The following FGF18 variants were observed in gnomAD, a reference collection of about 807,000 sequenced individuals.
FGF18 encodes fibroblast growth factor 18.
In FGF18, 5 loss-of-function variants were observed where a neutral mutation model predicts 23.0. The ratio of observed to expected loss-of-function variants is 0.22; its 90% CI spans 0.11 to 0.46. FGF18 has a LOEUF of 0.46. Among genes scored for constraint, FGF18 ranks in the 20% least tolerant of loss-of-function variants. FGF18 has a pLI of 0.99. For synonymous variants in FGF18, 117 were observed against 118.9 expected, an observed-to-expected ratio of 0.98 and a Z score of 0.10; for missense variants, 180 against 291.6, an observed-to-expected ratio of 0.62 and a Z score of 2.79.
chr5:171,421,342 G>A (rs1450544025), intron 2 of FGF18, among the ~76,000 whole-genome samples: 2 of 152,186 alleles, frequency 1.3e-5, no homozygotes, highest in Admixed American at 6.5e-5. Context: ...GTCGGGGGGC[G>A]GCGGGCAAAG....
chr5:171,424,801 G>A (rs537214419), intron 2 of FGF18, among the ~76,000 whole-genome samples: 54 of 148,612 alleles, frequency 3.6e-4, no homozygotes, highest in African/African-American at 1.3e-3. Context: ...TGGGGGCTGG[G>A]GCCCAGAGGA....
chr5:171,433,522 G>A (rs768126201), intron 2 of FGF18, among the ~76,000 whole-genome samples: 115 of 152,298 alleles, frequency 7.6e-4, no homozygotes, highest in Non-Finnish European at 1.3e-3. Flanking sequence ...TGCCCACCAG[G>A]TGTGGGCCTC....
intron 2 of FGF18, among the ~76,000 whole-genome samples, chr5:171,424,515 CTGG>C (rs1483277617): frequency 6.6e-6 from 1 of 152,248 alleles, no homozygotes; most frequent in Non-Finnish European, 1.5e-5. Flanking sequence ...ACCCAAGATG[CTGG>C]ATTCAAGATC....
In FGF18 at chr5:171,436,832, C is replaced by G. The variant is rs574517883; in HGVS notation, c.250+559C>G. 9.2e-5 allele frequency among the ~76,000 whole-genome samples: 14 copies of G among 152,286 alleles called. No individual in the cohort carries two copies. Among genetic ancestry groups the G allele is most frequent in the Non-Finnish European group, 1.9e-4 (13 of 68,024 alleles). On this transcript the variant is annotated intron_variant, in intron 3 of 4. Transcript: ENST00000274625. This position sits in a 1 kb window ranked among gnomAD's most constrained non-coding sequence, Gnocchi z 4.4. ...AACCCTCCTGGAGTACTTGGGAACT[C>G]ACCCCGCTCCCCTGCCTATGCTGCC...
Position 171,420,002 on chromosome 5 carries a change from C to T in FGF18, c.-198C>T. 4.5e-6 allele frequency: 1 copy of T among 222,460 alleles called. No individual in the cohort carries two copies. The highest frequency in any genetic ancestry group is 8.4e-6 in the Non-Finnish European group (1 of 119,072). The allele number at this position is 222,460 out of a possible 1,614,324, so 13.8% of individuals were successfully genotyped here. ...GGAGGGCGCAGCGCTCGGGAGGAGC[C>T]GCGCGGGGCGCTGATGCCGCAGGGC... is the stretch of plus-strand genomic sequence containing the variant. On this transcript the variant is annotated 5_prime_UTR_variant, in exon 1 of 5. Transcript: ENST00000274625.
chr5:171,456,366 C>T lies in FGF18; in HGVS notation c.358-173C>T, dbSNP rs1772580177. Among the ~76,000 whole-genome samples the T allele has an allele frequency of 6.6e-6, 1 of 152,192 alleles. No homozygotes were observed. The highest frequency in any genetic ancestry group is 1.5e-5 in the Non-Finnish European group (1 of 68,040). ...TCTGCTCCTTGGCTATAAACCCCCA[C>T]CTGCCTGTGCCATATTCAGAGTTAA... On this transcript the variant is annotated intron_variant, in intron 4 of 4. Transcript: ENST00000274625. This position sits in a 1 kb window ranked among gnomAD's most constrained non-coding sequence, Gnocchi z 6.1.
chr5:171,444,926 G>T (rs1289371528), intron 3 of FGF18, among the ~76,000 whole-genome samples: 3 of 152,196 alleles, frequency 2.0e-5, no homozygotes, highest in Non-Finnish European at 4.4e-5. Flanking sequence ...TCTTGTCCTC[G>T]TGGAGCTTAC....
In FGF18 at chr5:171,456,756, C is replaced by G. The variant is rs1310584496; in HGVS notation, c.575C>G (p.Thr192Arg). 10 of 1,613,926 alleles carry G rather than the reference C, an allele frequency of 6.2e-6. No homozygotes were observed. The highest frequency in any genetic ancestry group is 7.6e-6 in the Non-Finnish European group (9 of 1,180,028). The change falls in exon 5 of 5, where the codon ACG becomes AGG. Residue 192 changes from threonine (T) to arginine (R), a missense_variant. Physicochemically the swap from Thr to Arg is moderately conservative, Grantham distance 71. Around this residue, in one of 3 missense-constraint regions of FGF18, gnomAD observed 40 missense variants for 41.4 expected, o/e 0.97. Coordinates refer to ENST00000274625, the MANE Select transcript of FGF18 (RefSeq NM_003862.3). The surrounding 1 kb of genome is among the most constrained non-coding windows in gnomAD (Gnocchi z 6.1). ...GAGCTTCAGAAGCCCTTCAAGTACA[C>G]GACGGTGACCAAGAGGTCCCGTCGG... ...QPELQKPFKY[T>R]TVTKRSRRIR...
chr5:171,439,615 A>C (rs1163553259), intron 3 of FGF18, among the ~76,000 whole-genome samples: 1 of 152,094 alleles, frequency 6.6e-6, no homozygotes, highest in Non-Finnish European at 1.5e-5. Flanking sequence ...AGGGCTGGGG[A>C]AGAGCCTCCA....
intron 2 of FGF18, among the ~76,000 whole-genome samples, chr5:171,430,043 C>T (rs183418781): frequency 1.3e-5 from 2 of 152,342 alleles, no homozygotes; most frequent in Non-Finnish European, 2.9e-5. Flanking sequence ...GCCTCAGTTT[C>T]CCTCTCTGTA....
At position 171,420,008 on chromosome 5, in the gene FGF18, G is replaced by A. The variant is rs1225505534; in HGVS notation, c.-192G>A. On this transcript the variant is annotated 5_prime_UTR_variant, in exon 1 of 5. Transcript: ENST00000274625. The stretch of plus-strand genomic sequence containing the variant: ...CGCAGCGCTCGGGAGGAGCCGCGCG[G>A]GGCGCTGATGCCGCAGGGCGCGCCG... The A allele has an allele frequency of 8.3e-6, 2 of 240,074 alleles. No individual in the cohort carries two copies. Among genetic ancestry groups the A allele is most frequent in the Non-Finnish European group, 1.5e-5 (2 of 131,554 alleles). The allele number at this position is 240,074 out of a possible 1,614,324, so 14.9% of individuals were successfully genotyped here.
intron 4 of FGF18, among the ~76,000 whole-genome samples, chr5:171,455,860 A>G (rs1002965008): frequency 1.3e-5 from 2 of 152,204 alleles, no homozygotes; most frequent in African/African-American, 4.8e-5. Flanking sequence ...CCATTGGGCT[A>G]TCTGGGTGGA....
intron 4 of FGF18, 147 bp downstream of exon 4, chr5:171,449,400 T>TGA (rs112415649): frequency 1.2e-3 from 443 of 363,072 alleles, no homozygotes; most frequent in South Asian, 2.0e-3. Context: ...TGTGTGTGTG[T>TGA]GAGAGAGAGA....
chr5:171,456,885 T>A lies in FGF18; in HGVS notation c.*80T>A. The A allele has an allele frequency of 6.8e-7, 1 of 1,474,226 alleles. No individual in the cohort carries two copies. Among genetic ancestry groups the A allele is most frequent in the Non-Finnish European group, 9.1e-7 (1 of 1,098,064 alleles). The allele number at this position is 1,474,226 out of a possible 1,614,324, so 91.3% of individuals were successfully genotyped here. On this transcript the variant is annotated 3_prime_UTR_variant, in exon 5 of 5. Coordinates refer to ENST00000274625, the MANE Select transcript of FGF18 (RefSeq NM_003862.3). The surrounding 1 kb of genome is among the most constrained non-coding windows in gnomAD (Gnocchi z 6.1). ...ACTGCATCAGAGGAATATTTTTACATGAAAAATAAGGAAGAAGCTCTATTT... is the reference window on the plus strand; with the variant it reads ...ACTGCATCAGAGGAATATTTTTACAAGAAAAATAAGGAAGAAGCTCTATTT...
chr5:171,425,567 G>T (rs1021690156), intron 2 of FGF18, among the ~76,000 whole-genome samples: 6 of 122,452 alleles, frequency 4.9e-5, no homozygotes, highest in Non-Finnish European at 8.1e-5. Flanking sequence ...GTCTCGCCCT[G>T]TTGCCCAGGC....
Position 171,456,909 on chromosome 5 carries a change from T to A in FGF18, c.*104T>A. On this transcript the variant is annotated 3_prime_UTR_variant, in exon 5 of 5. Transcript: ENST00000274625. The surrounding 1 kb of genome is among the most constrained non-coding windows in gnomAD (Gnocchi z 6.1). ...ATGAAAAATAAGGAAGAAGCTCTAT[T>A]TTTGTACATTGTGTTTAAAAGAAGA... 5 of 1,383,448 alleles carry A rather than the reference T, an allele frequency of 3.6e-6. No individual in the cohort carries two copies. Among genetic ancestry groups the A allele is most frequent in the Non-Finnish European group, 4.9e-6 (5 of 1,027,902 alleles). The allele number at this position is 1,383,448 out of a possible 1,614,324, so 85.7% of individuals were successfully genotyped here.
At chr5:171,424,631 G>T (rs1474691710) in intron 2 of FGF18, among the ~76,000 whole-genome samples, 1 of 152,302 alleles carries the variant, frequency 6.6e-6, no homozygotes, top group East Asian at 1.9e-4. Flanking sequence ...GACATGCTAG[G>T]GATCTGCAGT....
At chr5:171,441,897 A>G (rs1290676286) in intron 3 of FGF18, among the ~76,000 whole-genome samples, 1 of 152,100 alleles carries the variant, frequency 6.6e-6, no homozygotes, top group Non-Finnish European at 1.5e-5. Context: ...GTACTTGGCA[A>G]ATCAGTGTTC....
intron 4 of FGF18, among the ~76,000 whole-genome samples, chr5:171,450,916 A>G (rs889843864): frequency 0.015 from 2,306 of 151,172 alleles, 58 homozygotes; most frequent in African/African-American, 0.054. Flanking sequence ...TTTCTCCCCC[A>G]GCAGGGGCCA....
Sources: allele counts gnomAD v4.1 joint callset (sites outside exome capture counted in the v4.1 genomes callset), GRCh38; gene constraint gnomAD v4.1.1; regional missense constraint gnomAD v4.1.1; non-coding constraint Gnocchi (gnomAD v3.1); transcripts MANE v1.5; gene names NCBI Gene and HGNC (gene_info 2026-07-23, HGNC 2026-07-21).